P2RY14: variants seen among roughly 807,000 people sequenced by gnomAD.
P2RY14 encodes P2Y purinoceptor 14.
In P2RY14, 2 loss-of-function variants were observed where a neutral mutation model predicts 0.9. The ratio of observed to expected loss-of-function variants is 2.16; its 90% CI spans 0.88 to 6.79. The LOEUF is 6.79. Ranked by LOEUF, P2RY14 falls within the 30% of genes most tolerant of loss-of-function variation. P2RY14 has a pLI of 0.05. For synonymous variants in P2RY14, 158 were observed against 147.2 expected (o/e 1.07, Z -0.53); for missense variants, 378 against 400.1 (o/e 0.94, Z 0.47).
At chr3:151,267,890 T>C (rs1740143315) in intron 1 of P2RY14, among the ~76,000 whole-genome samples, 1 of 152,184 alleles carries the variant, frequency 6.6e-6, no homozygotes. Flanking sequence ...AATAGCTTTT[T>C]AAAATTTCTT....
chr3:151,267,461 T>C (rs914667410), intron 1 of P2RY14, among the ~76,000 whole-genome samples: 8 of 152,328 alleles, frequency 5.3e-5, no homozygotes, highest in Non-Finnish European at 8.8e-5. Context: ...TCTAAGCCAC[T>C]ATTGATTATC....
intron 1 of P2RY14, among the ~76,000 whole-genome samples, chr3:151,243,215 T>C (rs1734595684): frequency 6.6e-6 from 1 of 151,684 alleles, no homozygotes; most frequent in African/African-American, 2.4e-5. Flanking sequence ...CAGGAGAACT[T>C]CCCCAATCTA....
chr3:151,243,003 A>AG lies in P2RY14; in HGVS notation c.-132-23362dup, dbSNP rs767887578. Among the ~76,000 whole-genome samples, 133 of 152,008 alleles carry AG rather than the reference A, an allele frequency of 8.7e-4. No individual in the cohort carries two copies. In the East Asian group the frequency reaches 0.021, roughly 24 times the overall value. On this transcript the variant is annotated intron_variant, in intron 1 of 2. Coordinates refer to ENST00000309170, the MANE Select transcript of P2RY14 (RefSeq NM_014879.4). ...TCAGGAGCCCATGCGATCAACTGGAAGAAAGGGTATCAGCGATGGAAGATG... is the reference window on the plus strand; with the variant it reads ...TCAGGAGCCCATGCGATCAACTGGAAGGAAAGGGTATCAGCGATGGAAGATG...
At chr3:151,253,863 C>A (rs376191395) in intron 1 of P2RY14, among the ~76,000 whole-genome samples, 4 of 152,132 alleles carry the variant, frequency 2.6e-5, no homozygotes, top group African/African-American at 9.6e-5. Context: ...AGACTTAGCT[C>A]CACTGAAAAA....
Position 151,242,973 on chromosome 3 carries a change from A to G in P2RY14, c.-132-23331T>C, listed in dbSNP as rs563257689. On this transcript the variant is annotated intron_variant, in intron 1 of 2. Coordinates refer to ENST00000309170, the MANE Select transcript of P2RY14 (RefSeq NM_014879.4). ...CTCGAGAACTACGTGAAGAATGCAGAAGCCTCAGGAGCCCATGCGATCAAC... is the reference window on the plus strand; with the variant it reads ...CTCGAGAACTACGTGAAGAATGCAGGAGCCTCAGGAGCCCATGCGATCAAC... 5.3e-5 allele frequency among the ~76,000 whole-genome samples: 8 copies of G among 151,948 alleles called. No individual in the cohort carries two copies. The South Asian group carries it at 1.7e-3, about 32-fold the overall frequency.
chr3:151,247,618 C>CG (rs58005104), intron 1 of P2RY14, among the ~76,000 whole-genome samples: 1 of 108,392 alleles, frequency 9.2e-6, no homozygotes, highest in Non-Finnish European at 1.9e-5. Flanking sequence ...GTTGTGGGGT[C>CG]GGGGAGGGGG....
At chr3:151,274,921 T>A (rs1741596319) in intron 1 of P2RY14, among the ~76,000 whole-genome samples, 1 of 152,106 alleles carries the variant, frequency 6.6e-6, no homozygotes, top group South Asian at 2.1e-4. Context: ...GGCCAAAATA[T>A]CCCTAGAGTG....
chr3:151,235,976 T>C (rs1351878022), intron 1 of P2RY14, among the ~76,000 whole-genome samples: 1 of 152,142 alleles, frequency 6.6e-6, no homozygotes, highest in African/African-American at 2.4e-5. Context: ...GTAATTGTGG[T>C]TTTTGTGATG....
chr3:151,273,169 C>G (rs1010726721), intron 1 of P2RY14, among the ~76,000 whole-genome samples: 2 of 150,662 alleles, frequency 1.3e-5, no homozygotes, highest in Non-Finnish European at 2.9e-5. Context: ...GAGCACCACA[C>G]TATGTTATTG....
chr3:151,236,402 G>T (rs1244622345), intron 1 of P2RY14, among the ~76,000 whole-genome samples: 1 of 152,176 alleles, frequency 6.6e-6, no homozygotes, highest in African/African-American at 2.4e-5. Flanking sequence ...GATTCAGGAA[G>T]CATTCTTGTT....
At chr3:151,228,905 C>T (rs946987637) in intron 1 of P2RY14, among the ~76,000 whole-genome samples, 1 of 152,158 alleles carries the variant, frequency 6.6e-6, no homozygotes, top group African/African-American at 2.4e-5. Flanking sequence ...GGAAATGAAT[C>T]CATGACCTCT....
chr3:151,259,018 G>A (rs990137330), intron 1 of P2RY14, among the ~76,000 whole-genome samples: 5 of 152,202 alleles, frequency 3.3e-5, no homozygotes, highest in Non-Finnish European at 5.9e-5. Context: ...TATGTAATAT[G>A]TATGTATTTA....
At chr3:151,243,580 A>C (rs919315078) in intron 1 of P2RY14, among the ~76,000 whole-genome samples, 3 of 152,146 alleles carry the variant, frequency 2.0e-5, no homozygotes, top group African/African-American at 7.2e-5. Flanking sequence ...AGATTTTGTC[A>C]CCACCAGGCC....
At chr3:151,255,190 G>A (rs1019146904) in intron 1 of P2RY14, among the ~76,000 whole-genome samples, 4 of 152,120 alleles carry the variant, frequency 2.6e-5, no homozygotes, top group African/African-American at 7.2e-5. Context: ...GTAAGAAGGA[G>A]CAATCTGAGG....
chr3:151,251,497 A>T (rs1021127203), intron 1 of P2RY14, among the ~76,000 whole-genome samples: 2 of 151,136 alleles, frequency 1.3e-5, no homozygotes, highest in Non-Finnish European at 3.0e-5. Context: ...TGTGTCCTCC[A>T]CTCACCCGTG....
intron 1 of P2RY14, among the ~76,000 whole-genome samples, chr3:151,259,061 C>T (rs908148447): frequency 1.1e-4 from 17 of 152,092 alleles, no homozygotes; most frequent in African/African-American, 3.1e-4. Context: ...AATTTTTAAA[C>T]GCATTTGGGA....
At chr3:151,221,610 C>T (rs1003504284) in intron 1 of P2RY14, among the ~76,000 whole-genome samples, 2 of 152,188 alleles carry the variant, frequency 1.3e-5, no homozygotes, top group Admixed American at 6.5e-5. Flanking sequence ...GGGTGCAAGC[C>T]TCAAGCCTTG....
intron 1 of P2RY14, among the ~76,000 whole-genome samples, chr3:151,239,235 T>TA (rs1026831067): frequency 2.0e-5 from 3 of 152,204 alleles, no homozygotes; most frequent in Non-Finnish European, 4.4e-5. Flanking sequence ...CACATAGACT[T>TA]AAAGGTCAAG....
At chr3:151,228,377 C>CTG (rs1330943628) in intron 1 of P2RY14, among the ~76,000 whole-genome samples, 2 of 152,176 alleles carry the variant, frequency 1.3e-5, no homozygotes, top group Non-Finnish European at 2.9e-5. Flanking sequence ...GTGAGGCAGG[C>CTG]TGTGACTCAG....
Sources: gnomAD v4.1 joint callset for allele counts (sites outside exome capture counted in the v4.1 genomes callset) on GRCh38, gnomAD v4.1.1 for gene constraint, MANE v1.5 for transcripts, NCBI Gene and HGNC (gene_info 2026-07-23, HGNC 2026-07-21) for gene names.